Variants in LRP1B observed in about 807,000 individuals in gnomAD.
The protein encoded by LRP1B is low-density lipoprotein receptor-related protein 1B.
Under a neutral mutation model 556.6 loss-of-function variants are expected in LRP1B, and 217 were observed. That is an observed-to-expected ratio of 0.39 (90% CI 0.35 to 0.44). The LOEUF (loss-of-function observed/expected upper bound fraction) is 0.44, where lower values mean the gene tolerates loss of function less well. LRP1B is among the 20% of genes least tolerant of loss of function. LRP1B has a pLI of 1.00. For synonymous variants in LRP1B, 2,047 were observed against 1,865.8 expected, an observed-to-expected ratio of 1.10 and a Z score of -2.50; for missense variants, 5,053 against 5,620.8, an observed-to-expected ratio of 0.90 and a Z score of 3.23.
At chr2:141,590,128 C>A (rs995965907) in intron 2 of LRP1B, among the ~76,000 whole-genome samples, 6 of 152,052 alleles carry the variant, frequency 3.9e-5, no homozygotes, top group African/African-American at 1.4e-4. Flanking sequence ...CTTGATTCTA[C>A]CCAGGCAGGA....
intron 2 of LRP1B, among the ~76,000 whole-genome samples, chr2:141,617,883 ATTATT>A (rs1477026315): frequency 2.8e-5 from 4 of 140,454 alleles, no homozygotes; most frequent in East Asian, 2.0e-4. Flanking sequence ...CTCTATCCTA[ATTATT>A]TTATTTTAAG....
chr2:140,869,490 A>C (rs755540607), intron 25 of LRP1B, among the ~76,000 whole-genome samples: 24 of 152,120 alleles, frequency 1.6e-4, no homozygotes, highest in Admixed American at 3.3e-4. Context: ...ACCAGATAAA[A>C]CAGATATACT....
intron 1 of LRP1B, among the ~76,000 whole-genome samples, chr2:141,906,564 A>G (rs1459783146): frequency 1.3e-5 from 2 of 152,020 alleles, no homozygotes; most frequent in African/African-American, 2.4e-5. Flanking sequence ...GAAGAAACTA[A>G]ATAGAAATCT....
intron 6 of LRP1B, chr2:141,208,081 T>C (rs1196218337): frequency 6.6e-6 from 1 of 152,242 alleles, no homozygotes; most frequent in African/African-American, 2.4e-5. Flanking sequence ...TCTGGAAATA[T>C]ATCAGCTACC....
chr2:141,347,819 T>A (rs748231454), intron 3 of LRP1B, among the ~76,000 whole-genome samples: 1 of 152,204 alleles, frequency 6.6e-6, no homozygotes, highest in Non-Finnish European at 1.5e-5. Flanking sequence ...TTTGTCATTA[T>A]AACAAAGTAT....
rs112242309 is a variant in LRP1B, at chr2:140,424,348, A to C, written c.10414+18156T>G. ...ATTTTTATGTAAACCATGATTATTC[A>C]TTCCTTTAAATAAAATACAAAAAAT... On this transcript the variant is annotated intron_variant, in intron 66 of 90. Transcript: ENST00000389484. 5.9e-5 allele frequency among the ~76,000 whole-genome samples: 9 copies of C among 152,284 alleles called. 1 individual carries two copies. The highest frequency in any genetic ancestry group is 2.2e-4 in the African/African-American group (9 of 41,568).
At chr2:140,914,644 T>C (rs1327858071) in intron 21 of LRP1B, among the ~76,000 whole-genome samples, 1 of 152,058 alleles carries the variant, frequency 6.6e-6, no homozygotes, top group Non-Finnish European at 1.5e-5. Context: ...ATATCTACAA[T>C]GCTGGACACA....
intron 59 of LRP1B, among the ~76,000 whole-genome samples, chr2:140,478,434 C>A (rs1573983786): frequency 6.6e-6 from 1 of 152,074 alleles, no homozygotes; most frequent in Non-Finnish European, 1.5e-5. Flanking sequence ...CAGGCGTGAG[C>A]CACCGTGCCA....
intron 41 of LRP1B, among the ~76,000 whole-genome samples, chr2:140,605,080 T>C (rs1209677295): frequency 6.6e-6 from 1 of 152,102 alleles, no homozygotes; most frequent in East Asian, 1.9e-4. Context: ...GAAAATAACA[T>C]TTATCTCAAG....
intron 1 of LRP1B, among the ~76,000 whole-genome samples, chr2:141,906,509 C>A (rs1699765824): frequency 6.6e-6 from 1 of 151,870 alleles, no homozygotes; most frequent in African/African-American, 2.4e-5. Context: ...GTTTTTTTAT[C>A]TTAATTGTTA....
At chr2:140,714,104 T>C (rs1687129900) in intron 37 of LRP1B, among the ~76,000 whole-genome samples, 1 of 152,168 alleles carries the variant, frequency 6.6e-6, no homozygotes, top group Non-Finnish European at 1.5e-5. Context: ...CTTGTTTGAA[T>C]TTTCAGTTTA....
At chr2:140,499,249 C>CTT (rs1360795285) in intron 55 of LRP1B, among the ~76,000 whole-genome samples, 6 of 151,828 alleles carry the variant, frequency 4.0e-5, no homozygotes, top group African/African-American at 1.4e-4. Context: ...GCTAATACTT[C>CTT]TTATATGCAG....
chr2:140,881,799 C>T (rs534133272), intron 25 of LRP1B, among the ~76,000 whole-genome samples: 47 of 152,240 alleles, frequency 3.1e-4, no homozygotes, highest in African/African-American at 8.4e-4. Context: ...TTCAACTCTT[C>T]GAGGATATTT....
chr2:140,979,041 C>T (rs1017052939), intron 18 of LRP1B, among the ~76,000 whole-genome samples: 4 of 152,108 alleles, frequency 2.6e-5, no homozygotes, highest in East Asian at 3.9e-4. Flanking sequence ...TGGAGTGGCA[C>T]AATCTCAGCT....
At chr2:141,954,142 C>G (rs553427116) in intron 1 of LRP1B, among the ~76,000 whole-genome samples, 4 of 152,140 alleles carry the variant, frequency 2.6e-5, no homozygotes, top group South Asian at 2.1e-4. Context: ...CAAATGTTTT[C>G]TATTATTTTT....
rs111296352 is a variant in LRP1B at position 140,696,733 on chromosome 2, T to C, written c.6799+3517A>G. ...CAAACCCTATTATGAGGGATCCAGATTGTGTGCTCCTTTTGAGAATCTAAC... is the reference window on the plus strand; with the variant it reads ...CAAACCCTATTATGAGGGATCCAGACTGTGTGCTCCTTTTGAGAATCTAAC... On this transcript the variant is annotated intron_variant, in intron 41 of 90. Coordinates refer to ENST00000389484, the MANE Select transcript of LRP1B (RefSeq NM_018557.3). Among the ~76,000 whole-genome samples the C allele has an allele frequency of 6.6e-5, 10 of 152,166 alleles. No homozygotes were observed. The South Asian group carries it at 1.7e-3, about 25-fold the overall frequency.
rs181266017 is a variant in LRP1B at position 141,144,755 on chromosome 2, C to T, written c.1013+43666G>A. On this transcript the variant is annotated intron_variant, in intron 7 of 90. Coordinates refer to ENST00000389484, the MANE Select transcript of LRP1B (RefSeq NM_018557.3). ...TCATTAAAGTCACCATCTGGCATAA[C>T]TGGAAATGTCAGCAAATAGGAAGTG... is the stretch of plus-strand genomic sequence containing the variant. Among the ~76,000 whole-genome samples the T allele has an allele frequency of 7.6e-4, 115 of 152,252 alleles. 2 individuals carry two copies. The highest frequency in any genetic ancestry group is 1.2e-3 in the Admixed American group (18 of 15,274).
chr2:141,688,492 G>A (rs1252271007), intron 2 of LRP1B, among the ~76,000 whole-genome samples: 1 of 151,994 alleles, frequency 6.6e-6, no homozygotes, highest in East Asian at 1.9e-4. Context: ...CAAGTAAATA[G>A]TGCTACAGAA....
At chr2:141,544,048 A>T (rs555888767) in intron 2 of LRP1B, among the ~76,000 whole-genome samples, 1 of 152,258 alleles carries the variant, frequency 6.6e-6, no homozygotes, top group Admixed American at 6.5e-5. Flanking sequence ...TACTGGAATC[A>T]TGTTTGAACC....
Sources: allele counts gnomAD v4.1 joint callset (sites outside exome capture counted in the v4.1 genomes callset), GRCh38; gene constraint gnomAD v4.1.1; transcripts MANE v1.5; gene names NCBI Gene and HGNC (gene_info 2026-07-23, HGNC 2026-07-21).